The following MGA variants were observed in gnomAD, a reference collection of about 807,000 sequenced individuals.
MGA encodes MAX gene-associated protein.
In MGA, 40 loss-of-function variants were observed where a neutral mutation model predicts 261.1. That is an observed-to-expected ratio of 0.15 (90% CI 0.12 to 0.20). The LOEUF is 0.20. Ranked by LOEUF, MGA falls within the 10% of genes least tolerant of loss-of-function variation. The probability of loss-of-function intolerance (pLI) is 1.00; values close to 1 mark genes in which losing one functional copy is unlikely to be tolerated. For synonymous variants in MGA, 1,302 were observed against 1,290.6 expected, an observed-to-expected ratio of 1.01 and a Z score of -0.19; for missense variants, 3,397 against 3,630.5, an observed-to-expected ratio of 0.94 and a Z score of 1.65.
At chr15:41,710,642 T>C (rs1338103413) in intron 7 of MGA, 49 bp from the exon 8 acceptor site, 1 of 1,490,678 alleles carries the variant, frequency 6.7e-7, no homozygotes, top group Non-Finnish European at 9.0e-7. Flanking sequence ...TGGAGATTCA[T>C]AAATCTGTCC....
chr15:41,633,586 C>G (rs2056638398), intron 1 of MGA, among the ~76,000 whole-genome samples: 1 of 151,962 alleles, frequency 6.6e-6, no homozygotes, highest in Non-Finnish European at 1.5e-5. Flanking sequence ...CAATACTTGG[C>G]TAATTTCTGT....
At chr15:41,629,105 CAAAA>C (rs71108108) in intron 1 of MGA, among the ~76,000 whole-genome samples, 2 of 78,086 alleles carry the variant, frequency 2.6e-5, no homozygotes, top group African/African-American at 4.8e-5. Context: ...GACTTCGTCT[CAAAA>C]AAAAAAAAAA....
chr15:41,748,318 C>T (rs568510063), intron 15 of MGA, among the ~76,000 whole-genome samples: 7 of 152,172 alleles, frequency 4.6e-5, no homozygotes, highest in South Asian at 2.1e-4. Flanking sequence ...TTTGGGAGGC[C>T]GAGAACGGCA....
chr15:41,623,458 A>T (rs1211403248), intron 1 of MGA, among the ~76,000 whole-genome samples: 1 of 152,188 alleles, frequency 6.6e-6, no homozygotes, highest in Admixed American at 6.5e-5. Flanking sequence ...AAATTTAAAT[A>T]AAATTGCCGG....
rs371717037 is a variant in MGA, at chr15:41,748,825, T to C, written c.5401T>C (p.Phe1801Leu). 1 of 1,614,010 alleles carries C rather than the reference T, an allele frequency of 6.2e-7. No individual in the cohort carries two copies. Among genetic ancestry groups the C allele is most frequent in the South Asian group, 1.1e-5 (1 of 91,084 alleles). ...TAGGAGTCCAAGTGGAATGAACTTA[T>C]TCAGGCACCCTAATGGGCAGATTGT... The change falls in exon 16 of 24, where the codon TTC (phenylalanine) becomes CTC (leucine). Residue 1801 changes from phenylalanine (F) to leucine (L), a missense_variant. This residue lies in a region of MGA where 1,410 missense variants were observed against 1,386.4 expected (regional missense o/e 1.02). Transcript: ENST00000219905.
rs1416866581 is a variant in MGA, at chr15:41,742,526, C to T, written c.4586-20C>T. The T allele has an allele frequency of 6.2e-7, 1 of 1,603,208 alleles. No individual in the cohort carries two copies. Among genetic ancestry groups the T allele is most frequent in the Non-Finnish European group, 8.5e-7 (1 of 1,174,288 alleles). On this transcript the variant is annotated intron_variant, in intron 14 of 23. Coordinates refer to ENST00000219905, the MANE Select transcript of MGA (RefSeq NM_001164273.2). ...AATATGAGAACTGAAGATTTTTGAC[C>T]TGCAAATTTCTGTTTGCAGCGGCTC...
At chr15:41,697,830 CAGATT>C (rs2059620355) in intron 3 of MGA, among the ~76,000 whole-genome samples, 1 of 152,090 alleles carries the variant, frequency 6.6e-6, no homozygotes. Context: ...ACTCTTCAAC[CAGATT>C]ATTTTTCTTG....
rs2058592627 is a variant in MGA, at chr15:41,680,154, C to A, written c.1064+10196C>A. Among the ~76,000 whole-genome samples, 12 of 152,132 alleles carry A rather than the reference C, an allele frequency of 7.9e-5. 1 individual carries two copies. In the South Asian group the frequency reaches 2.1e-3, roughly 26 times the overall value. Reference sequence around the variant, plus strand: ...TGACCATGGTCCTACTGTATTCCACCTCTGTGGTAAGGCGTTTTTCTAACT... The same window carrying A: ...TGACCATGGTCCTACTGTATTCCACATCTGTGGTAAGGCGTTTTTCTAACT... On this transcript the variant is annotated intron_variant, in intron 2 of 23. Coordinates refer to ENST00000219905, the MANE Select transcript of MGA (RefSeq NM_001164273.2).
At chr15:41,728,790 C>T (rs2061370506) in intron 10 of MGA, among the ~76,000 whole-genome samples, 1 of 152,154 alleles carries the variant, frequency 6.6e-6, no homozygotes, top group Admixed American at 6.5e-5. Flanking sequence ...GAAATTTCTA[C>T]AGCAAGTTGA....
At position 41,766,521 on chromosome 15, in the gene MGA, G is replaced by A; in HGVS notation, c.8439G>A (p.Met2813Ile). Residue 2813 changes from methionine to isoleucine, a missense_variant, in exon 24 of 24, where the codon ATG (methionine) becomes ATA (isoleucine). Coordinates refer to ENST00000219905, the MANE Select transcript of MGA (RefSeq NM_001164273.2). Reference sequence around the variant, plus strand: ...ATTCCAGTGAACTGCTGACTAACATGGAAGATGAGGATGATACTGATGAGA... The same window carrying A: ...ATTCCAGTGAACTGCTGACTAACATAGAAGATGAGGATGATACTGATGAGA... 1 of 1,613,932 alleles carries A rather than the reference G, an allele frequency of 6.2e-7. No homozygotes were observed. The highest frequency in any genetic ancestry group is 8.5e-7 in the Non-Finnish European group (1 of 1,179,880).
chr15:41,735,463 C>T (rs959428963), intron 12 of MGA, among the ~76,000 whole-genome samples: 2 of 152,118 alleles, frequency 1.3e-5, no homozygotes, highest in African/African-American at 4.8e-5. Flanking sequence ...TACAGCTGGG[C>T]GCAGTGGCTC....
chr15:41,653,026 T>G (rs942936894), intron 1 of MGA, among the ~76,000 whole-genome samples: 14 of 152,170 alleles, frequency 9.2e-5, no homozygotes, highest in Admixed American at 5.9e-4. Flanking sequence ...CAAGTTGCTT[T>G]GAATAATCTT....
intron 5 of MGA, among the ~76,000 whole-genome samples, chr15:41,705,962 G>T (rs1264228092): frequency 1.3e-5 from 2 of 152,182 alleles, no homozygotes; most frequent in Non-Finnish European, 2.9e-5. Context: ...ATACAGGCCA[G>T]GTGCGGTGGC....
At chr15:41,625,823 G>T (rs2056437417) in intron 1 of MGA, among the ~76,000 whole-genome samples, 1 of 152,178 alleles carries the variant, frequency 6.6e-6, no homozygotes, top group Non-Finnish European at 1.5e-5. Context: ...GAAAGCATGT[G>T]ATAAGTGAAC....
chr15:41,630,213 C>G (rs1260810234), intron 1 of MGA, among the ~76,000 whole-genome samples: 1 of 152,186 alleles, frequency 6.6e-6, no homozygotes, highest in Admixed American at 6.6e-5. Context: ...TGCCCTGCCT[C>G]AAACTCCTAC....
chr15:41,707,892 A>G (rs779184753), intron 6 of MGA, 33 bp downstream of exon 6: 1 of 1,587,726 alleles, frequency 6.3e-7, no homozygotes, highest in Non-Finnish European at 8.5e-7. Flanking sequence ...GTCAAACACT[A>G]TTTTTCTTGA....
upstream of MGA, among the ~76,000 whole-genome samples, chr15:41,657,136 T>C (rs1396368766): frequency 6.6e-6 from 1 of 152,144 alleles, no homozygotes; most frequent in East Asian, 1.9e-4. Context: ...AAGGCAGATA[T>C]CTTGCCATTT....
At position 41,642,104 on chromosome 15, in the gene MGA, G is replaced by T. The variant is rs1049108634; in HGVS notation, c.-68+20806G>T. Among the ~76,000 whole-genome samples the T allele has an allele frequency of 3.3e-5, 5 of 152,034 alleles. No homozygotes were observed. The South Asian group carries it at 1.0e-3, about 32-fold the overall frequency. On this transcript the variant is annotated intron_variant, in intron 1 of 8. Transcript: ENST00000566718. ...GTTTGAGCCACTGCGCCAGGGCCTAGCCAACACTTAATTGTCTTTTTGATT... is the reference window on the plus strand; with the variant it reads ...GTTTGAGCCACTGCGCCAGGGCCTATCCAACACTTAATTGTCTTTTTGATT...
intron 1 of MGA, among the ~76,000 whole-genome samples, chr15:41,634,920 A>G (rs2056668486): frequency 6.6e-6 from 1 of 152,166 alleles, no homozygotes; most frequent in African/African-American, 2.4e-5. Flanking sequence ...AAAAAATAGT[A>G]CTTGGAAAAA....
Sources: allele counts gnomAD v4.1 joint callset (sites outside exome capture counted in the v4.1 genomes callset), GRCh38; gene constraint gnomAD v4.1.1; regional missense constraint gnomAD v4.1.1; transcripts MANE v1.5; gene names NCBI Gene and HGNC (gene_info 2026-07-23, HGNC 2026-07-21).